DGKG: variants seen among roughly 807,000 people sequenced by gnomAD.
DGKG encodes diacylglycerol kinase gamma.
A neutral mutation model predicts 105.3 loss-of-function variants in DGKG; 78 were observed. The observed-to-expected ratio is 0.74, with a 90% CI of 0.62 to 0.89. DGKG has a LOEUF of 0.89. DGKG is among the 40% of genes least tolerant of loss of function. The pLI, the probability that DGKG is intolerant of heterozygous loss-of-function variation, is 0.00. For synonymous variants in DGKG, 346 were observed against 367.1 expected, an observed-to-expected ratio of 0.94 and a Z score of 0.66; for missense variants, 958 against 1,020.1, an observed-to-expected ratio of 0.94 and a Z score of 0.83.
chr3:186,254,652 A>G (rs969904927), intron 17 of DGKG, among the ~76,000 whole-genome samples: 7 of 151,866 alleles, frequency 4.6e-5, no homozygotes, highest in African/African-American at 1.7e-4. Flanking sequence ...TCTCCAAGCA[A>G]TCTCTTCTCT....
At chr3:186,165,362 T>C (rs1440049010) in intron 22 of DGKG, among the ~76,000 whole-genome samples, 3 of 152,170 alleles carry the variant, frequency 2.0e-5, no homozygotes, top group East Asian at 3.9e-4. Context: ...TAAAGACATA[T>C]TGGTTTGGAA....
intron 23 of DGKG, among the ~76,000 whole-genome samples, chr3:186,162,562 AC>A (rs1324497487): frequency 6.6e-6 from 1 of 152,048 alleles, no homozygotes; most frequent in Non-Finnish European, 1.5e-5. Flanking sequence ...TGTTTTTGAG[AC>A]AGAGTCTTGC....
At chr3:186,329,064 A>G (rs1475504965) in intron 1 of DGKG, among the ~76,000 whole-genome samples, 2 of 151,678 alleles carry the variant, frequency 1.3e-5, no homozygotes, top group Non-Finnish European at 2.9e-5. Context: ...CTGCTCCATC[A>G]CTCCCCTCTC....
At chr3:186,254,424 T>C (rs1207431639) in intron 17 of DGKG, among the ~76,000 whole-genome samples, 1 of 152,136 alleles carries the variant, frequency 6.6e-6, no homozygotes, top group Non-Finnish European at 1.5e-5. Flanking sequence ...CCTCAGAACA[T>C]GTGTTCAGAG....
chr3:186,263,135 AAAAC>A lies in DGKG; in HGVS notation c.1270-1361_1270-1358del, dbSNP rs113732220. Among the ~76,000 whole-genome samples the A allele has an allele frequency of 3.1e-3, 472 of 149,854 alleles. 5 individuals carry two copies. Among genetic ancestry groups the A allele is most frequent in the African/African-American group, 8.8e-3 (360 of 40,732 alleles). The stretch of plus-strand genomic sequence containing the variant: ...GAGCAAGACTCCGTCTCGGAAAAGA[AAAAC>A]AAACAAACAAACAAACAAACAAAAA... On this transcript the variant is annotated intron_variant, in intron 14 of 24. Transcript: ENST00000265022.
At chr3:186,211,690 T>A (rs1262757098) in intron 21 of DGKG, 105 bp downstream of exon 21, 6 of 825,634 alleles carry the variant, frequency 7.3e-6, no homozygotes, top group East Asian at 5.1e-5. Flanking sequence ...GAGACTACGC[T>A]CTGGGTCACC....
At position 186,211,823 on chromosome 3, in the gene DGKG, T is replaced by G. The variant is rs1719053660; in HGVS notation, c.1889A>C (p.Lys630Thr). The G allele has an allele frequency of 1.2e-6, 2 of 1,614,120 alleles. No individual in the cohort carries two copies. Among genetic ancestry groups the G allele is most frequent in the Admixed American group, 1.7e-5 (1 of 60,006 alleles). ...GTSETFAATC[K>T]KLHDHIELEC... ...CAACTCAATGTGGTCGTGGAGTTTC[T>G]TGCAGGTCGCTGCAAAAGTCTCCGA... Residue 630 changes from lysine (K) to threonine (T), a missense_variant, in exon 21 of 25, where the codon AAG becomes ACG. Around this residue, in one of 2 missense-constraint regions of DGKG, gnomAD observed 315 missense variants for 400.6 expected, o/e 0.79. Coordinates refer to ENST00000265022, the MANE Select transcript of DGKG (RefSeq NM_001346.3).
At chr3:186,310,925 A>G (rs561944058) in intron 2 of DGKG, among the ~76,000 whole-genome samples, 21 of 144,604 alleles carry the variant, frequency 1.5e-4, no homozygotes, top group African/African-American at 5.3e-4. Flanking sequence ...ACCGAGGCTT[A>G]TGGAATTTAA....
At chr3:186,353,965 A>T (rs1726781008) in intron 1 of DGKG, among the ~76,000 whole-genome samples, 1 of 152,178 alleles carries the variant, frequency 6.6e-6, no homozygotes, top group Non-Finnish European at 1.5e-5. Context: ...GTTGAGAAAG[A>T]TCACTTTGTG....
chr3:186,259,307 C>CT (rs1324926835), intron 16 of DGKG, among the ~76,000 whole-genome samples: 2 of 152,078 alleles, frequency 1.3e-5, no homozygotes, highest in African/African-American at 2.4e-5. Flanking sequence ...TGACAGTGGG[C>CT]TGGTAAAGGT....
intron 1 of DGKG, among the ~76,000 whole-genome samples, chr3:186,344,076 A>G (rs1278738870): frequency 6.6e-6 from 1 of 152,244 alleles, no homozygotes; most frequent in Non-Finnish European, 1.5e-5. Flanking sequence ...AAAGTTCAAA[A>G]AAACCAAAAC....
intron 3 of DGKG, among the ~76,000 whole-genome samples, chr3:186,305,135 G>T (rs747964550): frequency 1.3e-5 from 2 of 152,228 alleles, no homozygotes; most frequent in Non-Finnish European, 1.5e-5. Context: ...GGGAGAGACA[G>T]ACAATTAATT....
chr3:186,152,909 G>T (rs185052448), intron 24 of DGKG, among the ~76,000 whole-genome samples: 133 of 150,792 alleles, frequency 8.8e-4, no homozygotes, highest in African/African-American at 3.0e-3. Context: ...TGATCCGCCC[G>T]TGTCGGCCTC....
intron 24 of DGKG, chr3:186,158,542 C>G: frequency 1.0e-6 from 1 of 962,600 alleles, no homozygotes; most frequent in Non-Finnish European, 1.2e-6. Context: ...ATAATTTCTG[C>G]AACTGGATTT....
intron 1 of DGKG, among the ~76,000 whole-genome samples, chr3:186,323,402 C>T (rs1445061638): frequency 6.6e-6 from 1 of 152,100 alleles, no homozygotes; most frequent in Non-Finnish European, 1.5e-5. Context: ...CATGTCAATT[C>T]AATATTGCTG....
chr3:186,263,184 C>A (rs1721866611), intron 14 of DGKG, among the ~76,000 whole-genome samples: 3 of 151,500 alleles, frequency 2.0e-5, no homozygotes, highest in Admixed American at 2.0e-4. Context: ...CCACCACCAA[C>A]AAAAACCTGC....
intron 21 of DGKG, among the ~76,000 whole-genome samples, chr3:186,205,716 A>T (rs1578662801): frequency 6.6e-6 from 1 of 152,148 alleles, no homozygotes; most frequent in African/African-American, 2.4e-5. Flanking sequence ...CTCAAAAAAA[A>T]ACCAAAACAA....
rs770685835 is a variant in DGKG at position 186,279,864 on chromosome 3, C to T, written c.779G>A (p.Gly260Glu). The T allele has an allele frequency of 1.9e-6, 3 of 1,613,696 alleles. No individual in the cohort carries two copies. The highest frequency in any genetic ancestry group is 4.5e-5 in the East Asian group (2 of 44,844). Residue 260 changes from glycine to glutamate, a missense_variant, in exon 9 of 25, where the codon GGG becomes GAG. Around this residue, in one of 2 missense-constraint regions of DGKG, gnomAD observed 643 missense variants for 619.5 expected, o/e 1.04. Coordinates refer to ENST00000265022, the MANE Select transcript of DGKG (RefSeq NM_001346.3). Reference sequence around the variant, plus strand: ...TTGTTGACTTACAGAGTCATCCATCCCCAGGAGGACCAGCAATGGGATGGT... The same window carrying T: ...TTGTTGACTTACAGAGTCATCCATCTCCAGGAGGACCAGCAATGGGATGGT... ...MTTIPLLVLL[G>E]MDDSGSKGDG...
intron 5 of DGKG, among the ~76,000 whole-genome samples, chr3:186,295,896 C>A (rs1473627651): frequency 1.3e-5 from 2 of 152,076 alleles, no homozygotes; most frequent in Non-Finnish European, 2.9e-5. Flanking sequence ...CACTTGAGGT[C>A]AGGAGTTCGA....
Sources: allele counts gnomAD v4.1 joint callset (sites outside exome capture counted in the v4.1 genomes callset), GRCh38; gene constraint gnomAD v4.1.1; regional missense constraint gnomAD v4.1.1; transcripts MANE v1.5; gene names NCBI Gene and HGNC (gene_info 2026-07-23, HGNC 2026-07-21).